The following SKAP1 variants were observed in gnomAD, a reference collection of about 807,000 sequenced individuals.
The protein encoded by SKAP1 is src kinase associated phosphoprotein 1.
Under a neutral mutation model 58.5 loss-of-function variants are expected in SKAP1, and 44 were observed. The observed-to-expected ratio is 0.75, with a 90% CI of 0.59 to 0.97. The LOEUF (loss-of-function observed/expected upper bound fraction) is 0.97, where lower values mean the gene tolerates loss of function less well. Ranked by LOEUF, SKAP1 falls within the 50% of genes least tolerant of loss-of-function variation. The pLI, the probability that SKAP1 is intolerant of heterozygous loss-of-function variation, is 0.00. For missense variants in SKAP1, 390 were observed against 435.2 expected (o/e 0.90, Z 0.92); for synonymous variants, 127 against 149.7 (o/e 0.85, Z 1.11).
At chr17:48,411,947 G>A (rs994120865) in intron 1 of SKAP1, among the ~76,000 whole-genome samples, 1 of 152,082 alleles carries the variant, frequency 6.6e-6, no homozygotes, top group Non-Finnish European at 1.5e-5. Flanking sequence ...AGAACATTAG[G>A]CAAAAACTAA....
chr17:48,303,310 G>A (rs2066088050), intron 4 of SKAP1, among the ~76,000 whole-genome samples: 1 of 152,102 alleles, frequency 6.6e-6, no homozygotes, highest in African/African-American at 2.4e-5. Context: ...GTCACAGTAT[G>A]GTTTTCTCTT....
intron 9 of SKAP1, among the ~76,000 whole-genome samples, chr17:48,173,378 A>G (rs2064243458): frequency 6.6e-6 from 1 of 152,188 alleles, no homozygotes; most frequent in Admixed American, 6.5e-5. Context: ...ACCTAAGCTA[A>G]TGGAGGAGTG....
rs935815396 is a variant in SKAP1 at position 48,302,832 on chromosome 17, CT to C, written c.280+43072del. 1.7e-4 allele frequency among the ~76,000 whole-genome samples: 26 copies of C among 152,148 alleles called. 1 individual carries two copies. The highest frequency in any genetic ancestry group is 2.1e-4 in the South Asian group (1 of 4,824). On this transcript the variant is annotated intron_variant, in intron 4 of 12. Transcript: ENST00000336915. ...CTTGGGGACAGGCATTGTGCTAGGG[CT>C]GCAAAAAGCCAGAATCCAGTGAGGG...
At chr17:48,213,356 A>G (rs2143686414) in intron 4 of SKAP1, among the ~76,000 whole-genome samples, 1 of 151,838 alleles carries the variant, frequency 6.6e-6, no homozygotes, top group Non-Finnish European at 1.5e-5. Context: ...GTCTCAAAAA[A>G]AAAAAAAAAA....
At chr17:48,311,141 GC>G (rs1457477964) in intron 4 of SKAP1, among the ~76,000 whole-genome samples, 51 of 152,148 alleles carry the variant, frequency 3.4e-4, no homozygotes, top group African/African-American at 1.1e-3. Flanking sequence ...CACAATGAAA[GC>G]CCATCTGTTC....
chr17:48,411,151 G>A (rs1213264760), intron 1 of SKAP1, among the ~76,000 whole-genome samples: 1 of 152,088 alleles, frequency 6.6e-6, no homozygotes, highest in Non-Finnish European at 1.5e-5. Flanking sequence ...TGTAATCCCA[G>A]TACTTTGGGA....
At chr17:48,196,190 A>G (rs1464708771) in intron 4 of SKAP1, among the ~76,000 whole-genome samples, 1 of 152,182 alleles carries the variant, frequency 6.6e-6, no homozygotes, top group Non-Finnish European at 1.5e-5. Context: ...TGCTGTTTCC[A>G]ATACTCTGAG....
chr17:48,204,274 T>C (rs2064765826), intron 4 of SKAP1: 1 of 151,408 alleles, frequency 6.6e-6, no homozygotes, highest in African/African-American at 2.4e-5. Flanking sequence ...TTTTTTTTTT[T>C]GTATTTTTAG....
intron 4 of SKAP1, among the ~76,000 whole-genome samples, chr17:48,319,313 C>A (rs566333778): frequency 6.6e-6 from 1 of 152,096 alleles, no homozygotes; most frequent in Admixed American, 6.5e-5. Context: ...GAGCCTCTAG[C>A]ATGACATTTA....
chr17:48,147,056 C>G (rs2063841547), intron 11 of SKAP1, among the ~76,000 whole-genome samples: 1 of 152,206 alleles, frequency 6.6e-6, no homozygotes, highest in African/African-American at 2.4e-5. Flanking sequence ...GAAACATTCT[C>G]TTTTCACATT....
At chr17:48,413,444 G>A (rs2067690453) in intron 1 of SKAP1, among the ~76,000 whole-genome samples, 1 of 149,072 alleles carries the variant, frequency 6.7e-6, no homozygotes, top group African/African-American at 2.5e-5. Flanking sequence ...AACCTGGGAG[G>A]TGGAGGTTGC....
intron 4 of SKAP1, among the ~76,000 whole-genome samples, chr17:48,227,948 T>A (rs1189177327): frequency 6.6e-6 from 1 of 152,206 alleles, no homozygotes; most frequent in Non-Finnish European, 1.5e-5. Flanking sequence ...TAAATGTTGG[T>A]TAAATAAATA....
At chr17:48,179,877 GCAAGGCAGAGCCTCATTACC>G (rs2064344327) in intron 9 of SKAP1, among the ~76,000 whole-genome samples, 157 bp downstream of exon 9, 1 of 152,204 alleles carries the variant, frequency 6.6e-6, no homozygotes, top group Admixed American at 6.5e-5. Context: ...TGCTCCCAGA[GCAAGGCAGAGCCTCATTACC>G]CACTTCCCTA....
intron 4 of SKAP1, among the ~76,000 whole-genome samples, chr17:48,320,177 T>C (rs1598563532): frequency 6.6e-6 from 1 of 152,298 alleles, no homozygotes; most frequent in East Asian, 1.9e-4. Context: ...CAGTCTCTCA[T>C]GAACCACAAA....
At chr17:48,384,708 T>C (rs2067255426) in intron 2 of SKAP1, among the ~76,000 whole-genome samples, 1 of 152,244 alleles carries the variant, frequency 6.6e-6, no homozygotes, top group South Asian at 2.1e-4. Flanking sequence ...GAATGGCTTA[T>C]AGATCATGAT....
At chr17:48,411,579 A>G (rs1391467379) in intron 1 of SKAP1, among the ~76,000 whole-genome samples, 3 of 152,134 alleles carry the variant, frequency 2.0e-5, no homozygotes, top group Admixed American at 1.3e-4. Flanking sequence ...TATGGAAAGG[A>G]TGAATAAGAA....
chr17:48,409,123 G>T (rs1477287936), intron 1 of SKAP1, among the ~76,000 whole-genome samples: 1 of 152,284 alleles, frequency 6.6e-6, no homozygotes, highest in South Asian at 2.1e-4. Flanking sequence ...AAAGAAACTT[G>T]CTCCCAGGTT....
intron 6 of SKAP1, chr17:48,185,137 G>A (rs1156295741): frequency 9.9e-6 from 3 of 302,204 alleles, no homozygotes; most frequent in Non-Finnish European, 1.8e-5. Context: ...CAGAAAGAAG[G>A]AATTATTACA....
At chr17:48,171,826 G>C (rs2064222614) in intron 9 of SKAP1, among the ~76,000 whole-genome samples, 1 of 151,856 alleles carries the variant, frequency 6.6e-6, no homozygotes, top group Non-Finnish European at 1.5e-5. Flanking sequence ...ACTTTGGGAG[G>C]CCGAGGCGGG....
Sources: gnomAD v4.1 joint callset for allele counts (sites outside exome capture counted in the v4.1 genomes callset) on GRCh38, gnomAD v4.1.1 for gene constraint, MANE v1.5 for transcripts, NCBI Gene and HGNC (gene_info 2026-07-23, HGNC 2026-07-21) for gene names.